NYAP2: variants seen among roughly 807,000 people sequenced by gnomAD.
The protein encoded by NYAP2 is neuronal tyrosine-phosphorylated phosphoinositide-3-kinase adapter 2.
In NYAP2, 23 loss-of-function variants were observed where a neutral mutation model predicts 50.4. The ratio of observed to expected loss-of-function variants is 0.46; its 90% confidence interval spans 0.33 to 0.65. The LOEUF is 0.65. NYAP2 is among the 30% of genes least tolerant of loss of function. The pLI is 0.02. For missense variants in NYAP2, 885 were observed against 861.0 expected (o/e 1.03, Z -0.35); for synonymous variants, 394 against 365.2 (o/e 1.08, Z -0.90).
At chr2:225,591,153 G>C (rs949175853) in intron 5 of NYAP2, among the ~76,000 whole-genome samples, 1 of 152,102 alleles carries the variant, frequency 6.6e-6, no homozygotes. Context: ...CAGAACAAAG[G>C]TGTGCTATCT....
chr2:225,601,599 T>A (rs1448330394), intron 5 of NYAP2, among the ~76,000 whole-genome samples: 2 of 152,232 alleles, frequency 1.3e-5, no homozygotes, highest in African/African-American at 2.4e-5. Flanking sequence ...CTAATGTGTA[T>A]GAAGTGATAT....
intron 4 of NYAP2, among the ~76,000 whole-genome samples, chr2:225,536,448 A>G (rs1691351446): frequency 6.6e-6 from 1 of 152,200 alleles, no homozygotes; most frequent in East Asian, 1.9e-4. Context: ...GCCACACATT[A>G]TGGAAGGGAG....
intron 3 of NYAP2, among the ~76,000 whole-genome samples, chr2:225,496,431 C>CT (rs1175275248): frequency 6.6e-6 from 1 of 152,104 alleles, no homozygotes; most frequent in Non-Finnish European, 1.5e-5. Context: ...TTTTATCCTC[C>CT]TTTTTTTAAA....
intron 5 of NYAP2, among the ~76,000 whole-genome samples, chr2:225,619,878 A>G (rs1187347999): frequency 6.6e-6 from 1 of 152,242 alleles, no homozygotes; most frequent in Non-Finnish European, 1.5e-5. Context: ...ATATAATAAA[A>G]TAATACATCC....
At chr2:225,661,867 A>T in the NYAP2 span, among the ~76,000 whole-genome samples, 8 of 151,718 alleles carry the variant, frequency 5.3e-5, no homozygotes. Context: ...GGGATTACAG[A>T]CATGCACCAC....
intron 4 of NYAP2, among the ~76,000 whole-genome samples, chr2:225,530,458 C>G (rs751243321): frequency 1.3e-5 from 2 of 152,184 alleles, no homozygotes; most frequent in Non-Finnish European, 2.9e-5. Context: ...TTTGGTATGT[C>G]TCTTCAGCAT....
intron 3 of NYAP2, among the ~76,000 whole-genome samples, chr2:225,428,338 A>C (rs1161479324): frequency 6.6e-6 from 1 of 152,182 alleles, no homozygotes; most frequent in Non-Finnish European, 1.5e-5. Flanking sequence ...TTGAGTTCTG[A>C]ATATCATTTG....
chr2:225,548,109 A>C (rs560787417), intron 4 of NYAP2, among the ~76,000 whole-genome samples: 1 of 152,170 alleles, frequency 6.6e-6, no homozygotes, highest in East Asian at 1.9e-4. Flanking sequence ...ATACCAACTT[A>C]AACATGTTAC....
chr2:225,515,762 C>T (rs1016294970), intron 4 of NYAP2, among the ~76,000 whole-genome samples: 1 of 152,072 alleles, frequency 6.6e-6, no homozygotes, highest in African/African-American at 2.4e-5. Flanking sequence ...CACCACTGTC[C>T]TACTTCTACT....
the NYAP2 span, among the ~76,000 whole-genome samples, chr2:225,692,765 A>C: frequency 6.6e-6 from 1 of 152,034 alleles, no homozygotes; most frequent in Admixed American, 6.6e-5. Context: ...CAATCAAGTC[A>C]TTTAGCTCTT....
chr2:225,405,371 T>C (rs1389615617), intron 2 of NYAP2, among the ~76,000 whole-genome samples: 1 of 151,914 alleles, frequency 6.6e-6, no homozygotes, highest in Non-Finnish European at 1.5e-5. Flanking sequence ...TGACATAGGA[T>C]TAGATGTTCA....
downstream of NYAP2, among the ~76,000 whole-genome samples, chr2:225,654,374 C>A (rs1049384617): frequency 2.0e-5 from 3 of 152,046 alleles, no homozygotes; most frequent in African/African-American, 7.2e-5. Context: ...CATTGGAATT[C>A]ATGTGATCTA....
rs114461102 is a variant in NYAP2 at position 225,456,229 on chromosome 2, C to T, written c.221+47128C>T. ...AAATGGCCCAGTGAATTTGAGTCAC[C>T]CTTGCCCAGACTTTCTGCATGAGAC... On this transcript the variant is annotated intron_variant, in intron 3 of 6. Transcript: ENST00000636099. Among the ~76,000 whole-genome samples the T allele has an allele frequency of 3.7e-3, 567 of 152,246 alleles. 4 individuals carry two copies. Among genetic ancestry groups the T allele is most frequent in the African/African-American group, 0.012 (490 of 41,542 alleles).
At chr2:225,559,115 T>A (rs1691825409) in intron 4 of NYAP2, among the ~76,000 whole-genome samples, 1 of 152,124 alleles carries the variant, frequency 6.6e-6, no homozygotes, top group Admixed American at 6.6e-5. Flanking sequence ...TCTGTCCTTT[T>A]GATGGATTTG....
chr2:225,535,664 T>C (rs1691335506), intron 4 of NYAP2, among the ~76,000 whole-genome samples: 2 of 152,234 alleles, frequency 1.3e-5, no homozygotes, highest in African/African-American at 4.8e-5. Context: ...AAACAACCAT[T>C]GTGATCCCTA....
intron 5 of NYAP2, among the ~76,000 whole-genome samples, chr2:225,592,304 A>G (rs1176841077): frequency 6.6e-6 from 1 of 152,124 alleles, no homozygotes; most frequent in African/African-American, 2.4e-5. Context: ...GGCTACTCCA[A>G]GGGGAAAAAT....
chr2:225,564,623 G>C (rs545966009), intron 4 of NYAP2, among the ~76,000 whole-genome samples: 1 of 151,654 alleles, frequency 6.6e-6, no homozygotes, highest in Non-Finnish European at 1.5e-5. Flanking sequence ...CTTCAAGAAT[G>C]AAGGTACACT....
At chr2:225,486,975 G>A (rs1457693754) in intron 3 of NYAP2, among the ~76,000 whole-genome samples, 5 of 152,194 alleles carry the variant, frequency 3.3e-5, no homozygotes, top group Non-Finnish European at 5.9e-5. Context: ...GAAAACATAT[G>A]AGTAGCACTT....
the NYAP2 span, chr2:225,701,718 G>A: frequency 2.6e-5 from 4 of 151,520 alleles, no homozygotes; most frequent in Admixed American, 6.6e-5. Flanking sequence ...CAAAACGTCC[G>A]GAGATTTAAA....
Sources: gnomAD v4.1 joint callset for allele counts (sites outside exome capture counted in the v4.1 genomes callset) on GRCh38, gnomAD v4.1.1 for gene constraint, MANE v1.5 for transcripts, NCBI Gene and HGNC (gene_info 2026-07-23, HGNC 2026-07-21) for gene names.